Variants in CSNK2A2IP observed in about 807,000 individuals in gnomAD.
The protein encoded by CSNK2A2IP is casein kinase 2 subunit alpha' interacting protein.
At chr3:88,429,219 G>T in the CSNK2A2IP span, among the ~76,000 whole-genome samples, 1 of 151,984 alleles carries the variant, frequency 6.6e-6, no homozygotes, top group Non-Finnish European at 1.5e-5. Flanking sequence ...TTTGGTCATT[G>T]CATTTCCCTT....
chr3:88,435,627 C>A, the CSNK2A2IP span, among the ~76,000 whole-genome samples: 1 of 152,064 alleles, frequency 6.6e-6, no homozygotes, highest in East Asian at 1.9e-4. Flanking sequence ...TGAAATATTT[C>A]CTCTTTTCTA....
chr3:88,422,526 T>C, the CSNK2A2IP span, among the ~76,000 whole-genome samples: 1 of 152,222 alleles, frequency 6.6e-6, no homozygotes. Flanking sequence ...TCCAAAACAA[T>C]TATGAGTTAT....
At chr3:88,397,023 G>A in the CSNK2A2IP span, among the ~76,000 whole-genome samples, 2 of 152,168 alleles carry the variant, frequency 1.3e-5, no homozygotes, top group African/African-American at 4.8e-5. Context: ...CCAAACGTAT[G>A]ACAGTGATAT....
chr3:88,451,907 T>C, the CSNK2A2IP span, among the ~76,000 whole-genome samples: 1 of 152,094 alleles, frequency 6.6e-6, no homozygotes, highest in South Asian at 2.1e-4. Flanking sequence ...ATTTTATACC[T>C]GTAATAATTG....
the CSNK2A2IP span, among the ~76,000 whole-genome samples, chr3:88,403,465 T>A: frequency 6.6e-6 from 1 of 152,090 alleles, no homozygotes; most frequent in Admixed American, 6.6e-5. Context: ...ACCAAGGGAT[T>A]GTAATGGGGC....
chr3:88,369,734 G>T, the CSNK2A2IP span, among the ~76,000 whole-genome samples: 2 of 152,024 alleles, frequency 1.3e-5, no homozygotes, highest in South Asian at 4.1e-4. Context: ...ACTGGAGTTT[G>T]TCCTGTCTTT....
chr3:88,454,856 C>T, the CSNK2A2IP span, among the ~76,000 whole-genome samples: 2 of 151,750 alleles, frequency 1.3e-5, no homozygotes, highest in Admixed American at 1.3e-4. Context: ...TTATTATTAA[C>T]CTCTTATACC....
the CSNK2A2IP span, among the ~76,000 whole-genome samples, chr3:88,369,118 A>T: frequency 6.6e-6 from 1 of 151,992 alleles, no homozygotes; most frequent in Non-Finnish European, 1.5e-5. Context: ...GAGGGCAAGG[A>T]TTGGGGAAAT....
At chr3:88,365,446 C>T in the CSNK2A2IP span, among the ~76,000 whole-genome samples, 1 of 151,960 alleles carries the variant, frequency 6.6e-6, no homozygotes, top group African/African-American at 2.4e-5. Flanking sequence ...TTTCTTTGGG[C>T]CTTAAGGAAA....
the CSNK2A2IP span, among the ~76,000 whole-genome samples, chr3:88,434,958 A>G: frequency 2.2e-4 from 33 of 152,212 alleles, no homozygotes; most frequent in Non-Finnish European, 5.9e-5. Flanking sequence ...ATCAGAATTT[A>G]TCACCAAGCT....
the CSNK2A2IP span, among the ~76,000 whole-genome samples, chr3:88,440,694 C>CT: frequency 3.9e-5 from 6 of 152,006 alleles, no homozygotes; most frequent in East Asian, 1.9e-4. Context: ...GAAATTAAAG[C>CT]TTTTTTTTCC....
the CSNK2A2IP span, chr3:88,467,458 C>A: frequency 1.8e-5 from 7 of 398,422 alleles, no homozygotes; most frequent in Middle Eastern, 1.2e-3. Flanking sequence ...AAAACCAAAT[C>A]GAAGCCAATC....
chr3:88,453,594 C>T, the CSNK2A2IP span, among the ~76,000 whole-genome samples: 12 of 151,988 alleles, frequency 7.9e-5, no homozygotes, highest in African/African-American at 2.7e-4. Context: ...GGAAGGTCCA[C>T]CTATTTTTGT....
the CSNK2A2IP span, chr3:88,465,194 A>G: frequency 2.4e-6 from 1 of 411,938 alleles, no homozygotes; most frequent in Non-Finnish European, 4.2e-6. Flanking sequence ...CAATTTTGGA[A>G]TAGTCTATAA....
At chr3:88,466,822 C>T in the CSNK2A2IP span, 2 of 921,242 alleles carry the variant, frequency 2.2e-6, no homozygotes, top group East Asian at 6.6e-5. Flanking sequence ...TCCATGTAAC[C>T]ATCTTAGAGG....
At chr3:88,466,070 A>G in the CSNK2A2IP span, 1 of 1,231,532 alleles carries the variant, frequency 8.1e-7, no homozygotes, top group Non-Finnish European at 1.0e-6. Context: ...CAGCGCAATC[A>G]AAGATCTTTG....
the CSNK2A2IP span, among the ~76,000 whole-genome samples, chr3:88,430,071 A>C: frequency 6.6e-6 from 1 of 152,038 alleles, no homozygotes; most frequent in Non-Finnish European, 1.5e-5. Flanking sequence ...GAGTAGGAAC[A>C]TTTTTTAAGA....
chr3:88,462,595 T>G, the CSNK2A2IP span, among the ~76,000 whole-genome samples: 2 of 152,268 alleles, frequency 1.3e-5, no homozygotes, highest in East Asian at 3.9e-4. Flanking sequence ...ATGGTGGCAT[T>G]CTACAGAAAA....
chr3:88,402,759 A>C, the CSNK2A2IP span, among the ~76,000 whole-genome samples: 1 of 152,078 alleles, frequency 6.6e-6, no homozygotes, highest in Non-Finnish European at 1.5e-5. Context: ...GGAAGTGTGC[A>C]GTTCAACTTC....
Sources: allele counts gnomAD v4.1 joint callset (sites outside exome capture counted in the v4.1 genomes callset), GRCh38; gene constraint gnomAD v4.1.1; transcripts MANE v1.5; gene names NCBI Gene and HGNC (gene_info 2026-07-23, HGNC 2026-07-21).